AMT: variants seen among roughly 807,000 people sequenced by gnomAD.
The protein encoded by AMT is aminomethyltransferase, also known as aminomethyltransferase, mitochondrial.
A neutral mutation model predicts 39.5 loss-of-function variants in AMT; 24 were observed. That is an observed-to-expected ratio of 0.61 (90% CI 0.44 to 0.86). The LOEUF is 0.86. Ranked by LOEUF, AMT falls within the 40% of genes least tolerant of loss-of-function variation. AMT has a pLI of 0.00. For missense variants in AMT, 501 were observed against 537.0 expected (o/e 0.93, Z 0.66); for synonymous variants, 210 against 212.1 (o/e 0.99, Z 0.09).
intron 7 of AMT, chr3:49,418,333 C>T: frequency 6.1e-6 from 2 of 329,644 alleles, no homozygotes; most frequent in Non-Finnish European, 1.2e-5. Context: ...CAGGCACCCG[C>T]CACCACGCCT....
At position 49,422,457 on chromosome 3, in the gene AMT, C is replaced by G. The variant is rs1483690738; in HGVS notation, c.-7G>C. On this transcript the variant is annotated 5_prime_UTR_variant, in exon 1 of 9. Coordinates refer to ENST00000273588, the MANE Select transcript of AMT (RefSeq NM_000481.4). ...CACTTACAGCCCTCTGCATCGTCGC[C>G]TGCAACGAGTGCAGACGGCGCACAG... The G allele has an allele frequency of 6.2e-7, 1 of 1,612,498 alleles. No homozygotes were observed.
In AMT at chr3:49,419,721, A is replaced by G; in HGVS notation, c.539T>C (p.Leu180Pro). 1 of 1,614,166 alleles carries G rather than the reference A, an allele frequency of 6.2e-7. No homozygotes were observed. Among genetic ancestry groups the G allele is most frequent in the Non-Finnish European group, 8.5e-7 (1 of 1,180,008 alleles). ...VGLEVLDNAL[L>P]ALQGPTAAQV... ...CCCAGCCCTCTCACCTTGCAGAGCT[A>G]GCAGGGCATTATCCAACACCTCCAG... Residue 180 changes from leucine (L) to proline (P), a missense_variant, in exon 5 of 9, where the codon CTA becomes CCA. Leu to Pro is a moderately conservative substitution (Grantham distance 98). Coordinates refer to ENST00000273588, the MANE Select transcript of AMT (RefSeq NM_000481.4).
rs775670903 is a variant in AMT at position 49,420,267 on chromosome 3, G to C, written c.415C>G (p.His139Asp). 1.9e-6 allele frequency: 3 copies of C among 1,614,188 alleles called. No individual in the cohort carries two copies. The East Asian group carries it at 6.7e-5, about 36-fold the overall frequency. The change falls in exon 4 of 9, where the codon CAC (histidine) becomes GAC (aspartate). Residue 139 changes from histidine (H) to aspartate (D), a missense_variant. By Grantham distance (81) the His-to-Asp change is moderately conservative. Coordinates refer to ENST00000273588, the MANE Select transcript of AMT (RefSeq NM_000481.4). ...DLIVTNTSEG[H>D]LYVVSNAGCW... ...CCAGCGTTGGACACCACATACAGGTGGCCCTCAGAAGTATTGGTTACAATC... is the reference window on the plus strand; with the variant it reads ...CCAGCGTTGGACACCACATACAGGTCGCCCTCAGAAGTATTGGTTACAATC...
chr3:49,421,889 C>A, intron 2 of AMT: 1 of 756,360 alleles, frequency 1.3e-6, no homozygotes. Context: ...TAAGGCACAC[C>A]ATTTAATGGG....
chr3:49,418,052 AACACACTATCT>A, intron 7 of AMT, 79 bp from the exon 8 acceptor site: 1 of 1,500,212 alleles, frequency 6.7e-7, no homozygotes. Flanking sequence ...GTCCTCAAGT[AACACACTATCT>A]AGCATCAAGG....
chr3:49,419,838 C>A (rs190752124), intron 4 of AMT, 50 bp from the exon 5 acceptor site: 1 of 1,558,832 alleles, frequency 6.4e-7, no homozygotes, highest in East Asian at 2.2e-5. Context: ...TGAGCAGCTA[C>A]CATGGGCTGG....
chr3:49,417,754 C>G lies in AMT; in HGVS notation c.1034-36G>C, dbSNP rs373269572. ...AGCATAAGCCACGCATCAGCACCAC[C>G]CTGCCAGTGCCCCCACCCTCCTGGG... On this transcript the variant is annotated intron_variant, in intron 8 of 8. Coordinates refer to ENST00000273588, the MANE Select transcript of AMT (RefSeq NM_000481.4). The G allele has an allele frequency of 3.1e-6, 5 of 1,614,034 alleles. No homozygotes were observed. The East Asian group carries it at 6.7e-5, about 22-fold the overall frequency.
In AMT at chr3:49,422,080, G is replaced by C. The variant is rs369182596; in HGVS notation, c.258+24C>G. 2.0e-5 allele frequency: 32 copies of C among 1,613,124 alleles called. No homozygotes were observed. In the African/African-American group the frequency reaches 2.9e-4, roughly 15 times the overall value. On this transcript the variant is annotated intron_variant, in intron 2 of 8. Transcript: ENST00000273588. ...AACAGGGAGGAAGGCCTGATCAGAT[G>C]GCCAGTGTGCTCCCCTGGCTCACCT...
At chr3:49,420,767 C>G (rs2049087503) in intron 3 of AMT, 1 of 244,474 alleles carries the variant, frequency 4.1e-6, no homozygotes, top group African/African-American at 2.2e-5. Context: ...CCCCAAAAAA[C>G]TTCCTTAGCC....
At chr3:49,421,187 T>C (rs920588597) in intron 3 of AMT, 29 of 402,066 alleles carry the variant, frequency 7.2e-5, no homozygotes, top group African/African-American at 5.3e-4. Flanking sequence ...TTACAGGTGT[T>C]TGAGTCACGT....
intron 3 of AMT, 121 bp from the exon 4 acceptor site, chr3:49,420,463 C>T (rs1371261888): frequency 8.9e-6 from 13 of 1,462,766 alleles, no homozygotes; most frequent in Non-Finnish European, 1.2e-5. Flanking sequence ...GTGAAGGACT[C>T]AGGGTGTGCA....
At chr3:49,417,767 C>T (rs1312510716) in intron 8 of AMT, 49 bp from the exon 9 acceptor site, 1 of 1,614,020 alleles carries the variant, frequency 6.2e-7, no homozygotes, top group Non-Finnish European at 8.5e-7. Flanking sequence ...GCCAGTGCCC[C>T]CACCCTCCTG....
chr3:49,421,571 G>A lies in AMT; in HGVS notation c.260C>T (p.Thr87Ile). The A allele has an allele frequency of 6.2e-7, 1 of 1,614,058 alleles. No individual in the cohort carries two copies. The highest frequency in any genetic ancestry group is 1.3e-5 in the African/African-American group (1 of 75,060). ...SLFDVSHMLQ[T>I]KILGSDRVKL... Reference sequence around the variant, plus strand: ...CACCCGGTCACTACCAAGTATCTTGGTCTGGGGAAGAGATTGAAAGCCTCA... The same window carrying A: ...CACCCGGTCACTACCAAGTATCTTGATCTGGGGAAGAGATTGAAAGCCTCA... Residue 87 changes from threonine (T) to isoleucine (I), a missense_variant and splice_region_variant, in exon 3 of 9, where the codon ACC becomes ATC. Thr to Ile is a moderately conservative substitution (Grantham distance 89). Transcript: ENST00000273588.
chr3:49,421,411 C>T (rs999196462), intron 3 of AMT, 81 bp downstream of exon 3: 10 of 1,101,858 alleles, frequency 9.1e-6, no homozygotes, highest in Admixed American at 6.8e-5. Context: ...ATCTCTGTGC[C>T]CCTAAGCCTG....
rs1194794376 is a variant in AMT, at chr3:49,418,601, A to G, written c.877+370T>C. ...ACTGCAAACTCCGCCGCCCAGGTTCATGCCATTCTCCTGCCTCAGCCTCCC... is the reference window on the plus strand; with the variant it reads ...ACTGCAAACTCCGCCGCCCAGGTTCGTGCCATTCTCCTGCCTCAGCCTCCC... On this transcript the variant is annotated intron_variant, in intron 7 of 8. Coordinates refer to ENST00000273588, the MANE Select transcript of AMT (RefSeq NM_000481.4). 28 of 274,974 alleles carry G rather than the reference A, an allele frequency of 1.0e-4. No homozygotes were observed. In the East Asian group the frequency reaches 2.2e-3, roughly 22 times the overall value. The allele number at this position is 274,974 out of a possible 1,614,324, so 17.0% of individuals were successfully genotyped here.
rs773202308 is a variant in AMT at position 49,417,315 on chromosome 3, A to T, written c.*225T>A. ...TAGGTCAGTGGGATCATGGACTGAA[A>T]CAAGACATTGTGTGAGCTGGTCCGT... is the stretch of plus-strand genomic sequence containing the variant. On this transcript the variant is annotated 3_prime_UTR_variant, in exon 9 of 9. Coordinates refer to ENST00000273588, the MANE Select transcript of AMT (RefSeq NM_000481.4). 2.9e-5 allele frequency: 47 copies of T among 1,596,480 alleles called. 2 individuals carry two copies. The South Asian group carries it at 5.1e-4, about 17-fold the overall frequency.
chr3:49,419,351 A>T lies in AMT; in HGVS notation c.605T>A (p.Leu202Gln). The change falls in exon 6 of 9, where the codon CTG becomes CAG. Residue 202 changes from leucine to glutamine, a missense_variant. Coordinates refer to ENST00000273588, the MANE Select transcript of AMT (RefSeq NM_000481.4). ...CATCACAGCACTGGTCATGAAGGGC[A>T]GTTTCCTCAGGTCATCTGCCACGCC... ...QAGVADDLRK[L>Q]PFMTSAVMEV... 1 of 1,614,194 alleles carries T rather than the reference A, an allele frequency of 6.2e-7. No homozygotes were observed. Among genetic ancestry groups the T allele is most frequent in the Non-Finnish European group, 8.5e-7 (1 of 1,180,024 alleles).
Position 49,417,338 on chromosome 3 carries a change from C to A in AMT, c.*202G>T. On this transcript the variant is annotated 3_prime_UTR_variant, in exon 9 of 9. Transcript: ENST00000273588. Reference sequence around the variant, plus strand: ...AAACAAGACATTGTGTGAGCTGGTCCGTCACTCAGAAGCAGGGTCCTGAAG... The same window carrying A: ...AAACAAGACATTGTGTGAGCTGGTCAGTCACTCAGAAGCAGGGTCCTGAAG... 1 of 1,594,996 alleles carries A rather than the reference C, an allele frequency of 6.3e-7. No individual in the cohort carries two copies. Among genetic ancestry groups the A allele is most frequent in the Non-Finnish European group, 8.5e-7 (1 of 1,175,786 alleles).
rs146787545 is a variant in AMT at position 49,422,148 on chromosome 3, T to C, written c.214A>G (p.Thr72Ala). 8.1e-5 allele frequency: 131 copies of C among 1,613,842 alleles called. 1 individual carries two copies. The East Asian group carries it at 2.9e-3, about 35-fold the overall frequency. ...RDSHTDSHLH[T>A]RQHCSLFDVS... ...TCAAAGAGCGAGCAGTGCTGGCGTG[T>C]GTGCAGGTGCGAGTCAGTGTGACTG... Residue 72 changes from threonine (T) to alanine (A), a missense_variant, in exon 2 of 9, where the codon ACA becomes GCA. Thr to Ala is a moderately conservative substitution (Grantham distance 58). Coordinates refer to ENST00000273588, the MANE Select transcript of AMT (RefSeq NM_000481.4).
Sources: gnomAD v4.1 joint callset for allele counts on GRCh38, gnomAD v4.1.1 for gene constraint, MANE v1.5 for transcripts, NCBI Gene and HGNC (gene_info 2026-07-23, HGNC 2026-07-21) for gene names.